Variants in KIF1C observed in about 807,000 individuals in gnomAD.
KIF1C encodes kinesin-like protein KIF1C.
In KIF1C, 61 loss-of-function variants were observed where a neutral mutation model predicts 126.5. The ratio of observed to expected loss-of-function variants is 0.48; its 90% confidence interval spans 0.39 to 0.60. KIF1C has a LOEUF of 0.60. KIF1C is among the 20% of genes least tolerant of loss of function. The pLI is 0.00. For missense variants in KIF1C, 1,315 were observed against 1,489.2 expected (o/e 0.88, Z 1.93); for synonymous variants, 640 against 580.6 (o/e 1.10, Z -1.47).
At chr17:5,016,862 C>T (rs906167749) in intron 18 of KIF1C, among the ~76,000 whole-genome samples, 3 of 149,756 alleles carry the variant, frequency 2.0e-5, no homozygotes, top group South Asian at 2.1e-4. Flanking sequence ...GCTGAGATTG[C>T]GCCACTGCAC....
intron 16 of KIF1C, among the ~76,000 whole-genome samples, chr17:5,010,842 G>A (rs1315430132): frequency 6.6e-6 from 1 of 150,436 alleles, no homozygotes; most frequent in Non-Finnish European, 1.5e-5. Context: ...ATGGAGTCTT[G>A]CTGTGTTGCC....
At chr17:5,001,163 C>T in intron 4 of KIF1C, 59 bp from the exon 5 acceptor site, 1 of 1,540,546 alleles carries the variant, frequency 6.5e-7, no homozygotes, top group Non-Finnish European at 8.9e-7. Flanking sequence ...GGGACAGAGA[C>T]ACAAAGGATA....
In KIF1C at chr17:5,024,293, G is replaced by A; in HGVS notation, c.*142G>A. 3 of 612,756 alleles carry A rather than the reference G, an allele frequency of 4.9e-6. No individual in the cohort carries two copies. The highest frequency in any genetic ancestry group is 3.1e-5 in the East Asian group (1 of 31,914). 38.0% of individuals were successfully genotyped at this position (612,756 alleles called of 1,614,324 possible). A position where few individuals can be genotyped will look rare whatever the true frequency, so the allele number is the denominator to read the frequency against. ...GGTCCGAGTAGGTGATAGAAGACAAGGGGGAGACCGAGCCGGAGGCTGAGG... is the reference window on the plus strand; with the variant it reads ...GGTCCGAGTAGGTGATAGAAGACAAAGGGGAGACCGAGCCGGAGGCTGAGG... On this transcript the variant is annotated 3_prime_UTR_variant, in exon 23 of 23. Transcript: ENST00000320785.
chr17:5,006,879 C>T (rs1384376950), intron 13 of KIF1C, 36 bp from the exon 14 acceptor site: 1 of 1,609,170 alleles, frequency 6.2e-7, no homozygotes, highest in Admixed American at 1.7e-5. Flanking sequence ...TCCTTCTTTC[C>T]TTAGCCTCAT....
In KIF1C at chr17:4,998,550, T is replaced by C. The variant is rs1237050249; in HGVS notation, c.-149+394T>C. 2.0e-5 allele frequency among the ~76,000 whole-genome samples: 3 copies of C among 152,196 alleles called. No homozygotes were observed. The East Asian group carries it at 5.8e-4, about 29-fold the overall frequency. On this transcript the variant is annotated intron_variant, in intron 1 of 22. Coordinates refer to ENST00000320785, the MANE Select transcript of KIF1C (RefSeq NM_006612.6). ...CCCTTACCCCGCTGGCCCCCAGCCG[T>C]GCCACCCCATCCCTGTCCCATTAGC... is the stretch of plus-strand genomic sequence containing the variant.
chr17:5,000,163 C>A lies in KIF1C; in HGVS notation c.-27-57C>A, dbSNP rs888202028. 92 of 946,580 alleles carry A rather than the reference C, an allele frequency of 9.7e-5. 1 individual carries two copies. In the South Asian group the frequency reaches 1.3e-3, roughly 14 times the overall value. The allele number at this position is 946,580 out of a possible 1,614,324, so 58.6% of individuals were successfully genotyped here. A position where few individuals can be genotyped will look rare whatever the true frequency, so the allele number is the denominator to read the frequency against. On this transcript the variant is annotated intron_variant, in intron 2 of 22. Transcript: ENST00000320785. The stretch of plus-strand genomic sequence containing the variant: ...CTGGTTCCGGGAAGAAGCTGGGAGG[C>A]AATGTCTGGGTCCCTGCAGTGGTTC...
rs77312856 is a variant in KIF1C, at chr17:5,023,485, T to C, written c.2646T>C (p.Asn882=). ...CCTCCCAGGATCATGAGGATGAGAA[T>C]GAAGAAGGTGGTGAGGTCCCCTGGG... is the stretch of plus-strand genomic sequence containing the variant. ...IPLAQDHEDE[N]EEGGEVPWAP... The change falls in exon 23 of 23, where the codon AAT becomes AAC. Residue 882 remains asparagine, a synonymous_variant. Coordinates refer to ENST00000320785, the MANE Select transcript of KIF1C (RefSeq NM_006612.6). The surrounding 1 kb of genome is among the most constrained non-coding windows in gnomAD (Gnocchi z 4.2). The C allele has an allele frequency of 6.4e-4, 1,029 of 1,613,940 alleles. 10 individuals carry two copies. In the African/African-American group the frequency reaches 0.012, roughly 20 times the overall value.
intron 8 of KIF1C, 87 bp from the exon 9 acceptor site, chr17:5,003,525 G>A: frequency 1.1e-6 from 1 of 903,790 alleles, no homozygotes; most frequent in South Asian, 1.6e-5. Flanking sequence ...CTTGCCAGCT[G>A]CCCACATTCC....
Position 5,002,452 on chromosome 17 carries a change from T to C in KIF1C, c.430-12T>C. ...CTAGTTTTGTTACTTCTCATTTGCTTCTCCCACTCAGGTGAGCTATATGGA... is the reference window on the plus strand; with the variant it reads ...CTAGTTTTGTTACTTCTCATTTGCTCCTCCCACTCAGGTGAGCTATATGGA... On this transcript the variant is annotated splice_polypyrimidine_tract_variant and intron_variant, in intron 6 of 22. Transcript: ENST00000320785. The C allele has an allele frequency of 1.3e-6, 2 of 1,564,084 alleles. No homozygotes were observed. The highest frequency in any genetic ancestry group is 1.2e-5 in the South Asian group (1 of 85,494).
rs760437558 is a variant in KIF1C at position 5,013,658 on chromosome 17, C to T, written c.1497C>T (p.Pro499=). 2.5e-6 allele frequency: 4 copies of T among 1,613,476 alleles called. No individual in the cohort carries two copies. Among genetic ancestry groups the T allele is most frequent in the Non-Finnish European group, 3.4e-6 (4 of 1,179,472 alleles). The change falls in exon 17 of 23, where the codon CCC becomes CCT. Residue 499 remains proline, a synonymous_variant. Transcript: ENST00000320785. ...TVGVFSPKKT[P]HLVNLNEDPL... ...ACCTTTCTCTCCCCGCTTAGACTCC[C>T]CACCTGGTGAACCTGAACGAAGACC...
At chr17:5,014,616 C>A (rs1974933452) in intron 17 of KIF1C, 127 bp from the exon 18 acceptor site, 2 of 712,554 alleles carry the variant, frequency 2.8e-6, no homozygotes, top group East Asian at 2.7e-5. Flanking sequence ...CCTCCCTGAG[C>A]CTCTGCTTCC....
chr17:5,020,909 G>A lies in KIF1C; in HGVS notation c.2010+31G>A. The A allele has an allele frequency of 6.5e-7, 1 of 1,544,790 alleles. No homozygotes were observed. Among genetic ancestry groups the A allele is most frequent in the Non-Finnish European group, 8.8e-7 (1 of 1,138,494 alleles). On this transcript the variant is annotated intron_variant, in intron 21 of 22. Transcript: ENST00000320785. This position sits in a 1 kb window ranked among gnomAD's most constrained non-coding sequence, Gnocchi z 5.8. Reference sequence around the variant, plus strand: ...GGGCAGCAGGGGCTGGGGATGGGCTGATGGGCAGATGAGCCGCAAGCCTGA... The same window carrying A: ...GGGCAGCAGGGGCTGGGGATGGGCTAATGGGCAGATGAGCCGCAAGCCTGA...
At chr17:5,002,005 T>C in intron 5 of KIF1C, 54 bp from the exon 6 acceptor site, 1 of 1,544,460 alleles carries the variant, frequency 6.5e-7, no homozygotes, top group Non-Finnish European at 9.0e-7. Context: ...GGCTGGACAC[T>C]TTAGGTGTGC....
rs941928556 is a variant in KIF1C, at chr17:5,021,995, T to C, written c.2011-97T>C. Reference sequence around the variant, plus strand: ...CAGGACTTGAACCCAGGCTCCCTGATGGGCGTGTTTCCAGTGTACTTAGGA... The same window carrying C: ...CAGGACTTGAACCCAGGCTCCCTGACGGGCGTGTTTCCAGTGTACTTAGGA... On this transcript the variant is annotated intron_variant, in intron 21 of 22. Transcript: ENST00000320785. 12 of 1,373,920 alleles carry C rather than the reference T, an allele frequency of 8.7e-6. No individual in the cohort carries two copies. In the Admixed American group the frequency reaches 9.0e-5, roughly 10 times the overall value. 85.1% of individuals were successfully genotyped at this position (1,373,920 alleles called of 1,614,324 possible).
chr17:5,015,249 A>G (rs984497460), intron 18 of KIF1C, among the ~76,000 whole-genome samples: 2 of 152,098 alleles, frequency 1.3e-5, no homozygotes, highest in Admixed American at 6.6e-5. Flanking sequence ...CTATCCAGCT[A>G]TGACTGCCGA....
intron 3 of KIF1C, among the ~76,000 whole-genome samples, 186 bp from the exon 4 acceptor site, chr17:5,000,586 G>A (rs1656059484): frequency 6.6e-6 from 1 of 152,072 alleles, no homozygotes; most frequent in South Asian, 2.1e-4. Context: ...CTCAGTGGGG[G>A]CGGGTCCTAG....
intron 18 of KIF1C, among the ~76,000 whole-genome samples, chr17:5,015,479 C>A (rs1974953132): frequency 1.3e-5 from 2 of 150,652 alleles, no homozygotes; most frequent in Admixed American, 1.3e-4. Flanking sequence ...GACGGGGTTT[C>A]TCCCATGTTG....
chr17:5,004,931 C>G lies in KIF1C; in HGVS notation c.1096C>G (p.Leu366Val). ...EDPNARLIRE[L>V]QEEVARLREL... Reference sequence around the variant, plus strand: ...CCCTAATGCCCGGCTGATTAGAGAGCTGCAGGAGGAAGTAGCCCGGCTGCG... The same window carrying G: ...CCCTAATGCCCGGCTGATTAGAGAGGTGCAGGAGGAAGTAGCCCGGCTGCG... The change falls in exon 13 of 23, where the codon CTG becomes GTG. Residue 366 changes from leucine (L) to valine (V), a missense_variant. Leu to Val is a conservative substitution (Grantham distance 32). This residue lies in a region of KIF1C where 874 missense variants were observed against 1,053.2 expected (regional missense o/e 0.83). Transcript: ENST00000320785. 1 of 1,614,218 alleles carries G rather than the reference C, an allele frequency of 6.2e-7. No homozygotes were observed. Among genetic ancestry groups the G allele is most frequent in the Non-Finnish European group, 8.5e-7 (1 of 1,180,040 alleles).
rs1975067542 is a variant in KIF1C, at chr17:5,020,575, C to T, written c.1834C>T (p.Pro612Ser). ...AAGGCTGGAACGGGAACGAGGGGTC[C>T]CCCCACCCCCAGGACCGCCCTCTGA... ...QARLERERGV[P>S]PPPGPPSEPV... Residue 612 changes from proline to serine, a missense_variant, in exon 20 of 23, where the codon CCC becomes TCC. By Grantham distance (74) the Pro-to-Ser change is moderately conservative. Coordinates refer to ENST00000320785, the MANE Select transcript of KIF1C (RefSeq NM_006612.6). This position sits in a 1 kb window ranked among gnomAD's most constrained non-coding sequence, Gnocchi z 5.8. 2 of 1,614,116 alleles carry T rather than the reference C, an allele frequency of 1.2e-6. No homozygotes were observed. The highest frequency in any genetic ancestry group is 1.6e-4 in the Middle Eastern group (1 of 6,084).
Sources: gnomAD v4.1 joint callset for allele counts (sites outside exome capture counted in the v4.1 genomes callset) on GRCh38, gnomAD v4.1.1 for gene constraint, gnomAD v4.1.1 regional missense constraint, Gnocchi (gnomAD v3.1) non-coding constraint, MANE v1.5 for transcripts, NCBI Gene and HGNC (gene_info 2026-07-23, HGNC 2026-07-21) for gene names.